WDR70: variants seen among roughly 807,000 people sequenced by gnomAD.
The protein encoded by WDR70 is WD repeat domain 70, also known as WD repeat-containing protein 70.
Under a neutral mutation model 88.6 loss-of-function variants are expected in WDR70, and 53 were observed. That is an observed-to-expected ratio of 0.60 (90% CI 0.48 to 0.75). The LOEUF (loss-of-function observed/expected upper bound fraction) is 0.75. Ranked by LOEUF, WDR70 falls within the 30% of genes least tolerant of loss-of-function variation. The pLI is 0.00. For synonymous variants in WDR70, 280 were observed against 270.0 expected, an observed-to-expected ratio of 1.04 and a Z score of -0.36; for missense variants, 610 against 823.2, an observed-to-expected ratio of 0.74 and a Z score of 3.17.
chr5:37,623,049 T>C (rs982848768), intron 10 of WDR70, among the ~76,000 whole-genome samples: 3 of 152,138 alleles, frequency 2.0e-5, no homozygotes, highest in African/African-American at 7.2e-5. Context: ...GATTCTTCCA[T>C]GTTAAAAAGG....
In WDR70 at chr5:37,696,560, G is replaced by A. The variant is rs115411709; in HGVS notation, c.1093-1095G>A. The stretch of plus-strand genomic sequence containing the variant: ...AGGGACTCACATGCTGTCATTACCA[G>A]CAGTGCCCCTGTCTTTCGCTATGGA... On this transcript the variant is annotated intron_variant, in intron 10 of 17. Transcript: ENST00000265107. 3.5e-3 allele frequency among the ~76,000 whole-genome samples: 528 copies of A among 152,318 alleles called. 1 individual carries two copies. The highest frequency in any genetic ancestry group is 4.7e-3 in the Non-Finnish European group (320 of 68,022).
chr5:37,482,740 T>C (rs1416057894), intron 8 of WDR70, among the ~76,000 whole-genome samples: 5 of 152,190 alleles, frequency 3.3e-5, no homozygotes, highest in African/African-American at 1.2e-4. Flanking sequence ...GAGGGCCAGC[T>C]CAAATTTGCA....
chr5:37,473,282 A>G (rs1255388681), intron 7 of WDR70, among the ~76,000 whole-genome samples: 1 of 151,042 alleles, frequency 6.6e-6, no homozygotes, highest in Non-Finnish European at 1.5e-5. Context: ...GTACACACAC[A>G]GCAATAATCC....
Position 37,413,929 on chromosome 5 carries a change from T to C in WDR70, c.492+17359T>C, listed in dbSNP as rs144893015. Among the ~76,000 whole-genome samples the C allele has an allele frequency of 2.9e-3, 435 of 152,052 alleles. 2 individuals carry two copies. The highest frequency in any genetic ancestry group is 0.01 in the African/African-American group (424 of 41,486). ...GGGATGCCAAGGCGGATGGATCACCTGAGATTGGTAGTTCGAGACCAGCCT... is the reference window on the plus strand; with the variant it reads ...GGGATGCCAAGGCGGATGGATCACCCGAGATTGGTAGTTCGAGACCAGCCT... On this transcript the variant is annotated intron_variant, in intron 5 of 17. Coordinates refer to ENST00000265107, the MANE Select transcript of WDR70 (RefSeq NM_018034.4).
At chr5:37,674,946 C>G (rs1312061789) in intron 10 of WDR70, among the ~76,000 whole-genome samples, 3 of 151,452 alleles carry the variant, frequency 2.0e-5, no homozygotes, top group African/African-American at 7.3e-5. Context: ...GAGATGGTAT[C>G]TCATTGTGGT....
intron 3 of WDR70, among the ~76,000 whole-genome samples, chr5:37,388,480 G>T: frequency 7.0e-6 from 1 of 142,262 alleles, no homozygotes; most frequent in Non-Finnish European, 1.5e-5. Flanking sequence ...GCTCATGTCT[G>T]TAATCCTAGT....
chr5:37,741,247 T>C lies in WDR70; in HGVS notation c.1878-11239T>C, dbSNP rs980226194. 2.9e-4 allele frequency among the ~76,000 whole-genome samples: 44 copies of C among 151,704 alleles called. 2 individuals are homozygous for C. The South Asian group carries it at 9.0e-3, about 31-fold the overall frequency. ...CCAAGAGCCTAGTTCTTTTTTTTTT[T>C]TTTTTTTTTAATTTAAAAAGGTCTA... On this transcript the variant is annotated intron_variant, in intron 17 of 17. Coordinates refer to ENST00000265107, the MANE Select transcript of WDR70 (RefSeq NM_018034.4).
rs1298838540 is a variant in WDR70, at chr5:37,563,408, G to A, written c.918-41656G>A. ...GAGGCGCCCCTCACCTCCAGGATTG[G>A]GCGGCTGGCCGGGCGGGGGGCTGAC... On this transcript the variant is annotated intron_variant, in intron 9 of 17. Transcript: ENST00000265107. 1.2e-3 allele frequency among the ~76,000 whole-genome samples: 72 copies of A among 61,948 alleles called. 9 individuals are homozygous for A. The highest frequency in any genetic ancestry group is 3.7e-3 in the African/African-American group (69 of 18,576). 40.6% of individuals were successfully genotyped at this position (61,948 alleles called of 152,430 possible).
At position 37,415,407 on chromosome 5, in the gene WDR70, G is replaced by C. The variant is rs1458438518; in HGVS notation, c.492+18837G>C. On this transcript the variant is annotated intron_variant, in intron 5 of 17. Coordinates refer to ENST00000265107, the MANE Select transcript of WDR70 (RefSeq NM_018034.4). The stretch of plus-strand genomic sequence containing the variant: ...CCGGACGGGGCGGCTGGCCGGGCGG[G>C]GGGCTGACCCCCCCACCTCCCTCCC... Among the ~76,000 whole-genome samples the C allele has an allele frequency of 4.9e-5, 5 of 102,622 alleles. 1 individual carries two copies. Among genetic ancestry groups the C allele is most frequent in the Admixed American group, 2.0e-4 (2 of 9,928 alleles). The allele number at this position is 102,622 out of a possible 152,430, so 67.3% of individuals were successfully genotyped here.
chr5:37,530,533 G>A (rs1436176976), intron 9 of WDR70, among the ~76,000 whole-genome samples: 1 of 151,800 alleles, frequency 6.6e-6, no homozygotes, highest in Non-Finnish European at 1.5e-5. Flanking sequence ...TAATCTGGGA[G>A]GGTTATATAT....
chr5:37,511,000 A>T (rs1237501186), intron 8 of WDR70, among the ~76,000 whole-genome samples: 1 of 152,204 alleles, frequency 6.6e-6, no homozygotes, highest in Non-Finnish European at 1.5e-5. Context: ...GTTAACCTAG[A>T]TCACTTGTTT....
chr5:37,668,651 A>G (rs751029443), intron 10 of WDR70, among the ~76,000 whole-genome samples: 4 of 152,218 alleles, frequency 2.6e-5, no homozygotes, highest in Non-Finnish European at 5.9e-5. Flanking sequence ...AAGATTCCAG[A>G]GCGGTGGCAT....
rs534559752 is a variant in WDR70, at chr5:37,475,401, AT to A, written c.687-4425del. Among the ~76,000 whole-genome samples the A allele has an allele frequency of 2.9e-4, 43 of 149,536 alleles. No individual in the cohort carries two copies. In the East Asian group the frequency reaches 7.4e-3, roughly 26 times the overall value. On this transcript the variant is annotated intron_variant, in intron 7 of 17. Transcript: ENST00000265107. ...AGGCATGCACCACCATGCCCAGCTA[AT>A]TTTTTTTGTATTTTTAGTAGAGACG...
intron 9 of WDR70, among the ~76,000 whole-genome samples, chr5:37,527,288 T>C (rs1741314009): frequency 6.6e-6 from 1 of 152,104 alleles, no homozygotes; most frequent in Admixed American, 6.5e-5. Flanking sequence ...AACAGAGATA[T>C]AGACCAATGG....
chr5:37,571,987 G>C (rs1305721523), intron 9 of WDR70, among the ~76,000 whole-genome samples: 1 of 152,134 alleles, frequency 6.6e-6, no homozygotes, highest in African/African-American at 2.4e-5. Flanking sequence ...GCAAGGACCT[G>C]CTGCAATAAG....
At chr5:37,484,013 C>T (rs1175254956) in intron 8 of WDR70, among the ~76,000 whole-genome samples, 13 of 148,940 alleles carry the variant, frequency 8.7e-5, no homozygotes, top group East Asian at 2.0e-4. Context: ...CGGGCAGAGA[C>T]GCTCCTCACT....
chr5:37,412,438 T>C (rs1419334865), intron 5 of WDR70, among the ~76,000 whole-genome samples: 3 of 152,054 alleles, frequency 2.0e-5, no homozygotes, highest in Non-Finnish European at 4.4e-5. Flanking sequence ...CTATTACTTG[T>C]TCATGATTCT....
chr5:37,701,068 A>G lies in WDR70; in HGVS notation c.1203A>G (p.Ser401=). The G allele has an allele frequency of 3.1e-6, 5 of 1,610,388 alleles. No individual in the cohort carries two copies. Among genetic ancestry groups the G allele is most frequent in the Non-Finnish European group, 4.2e-6 (5 of 1,176,902 alleles). The change falls in exon 12 of 18, where the codon TCA becomes TCG. Residue 401 remains serine, a synonymous_variant. Transcript: ENST00000265107. Reference sequence around the variant, plus strand: ...TCATTCCTCTGTCAGGTGACGATTCATTAAAATTATGGGACATCCGACAAT... The same window carrying G: ...TCATTCCTCTGTCAGGTGACGATTCGTTAAAATTATGGGACATCCGACAAT... The part of the protein sequence containing the change: ...NVLASRGGDD[S]LKLWDIRQFN...
intron 2 of WDR70, among the ~76,000 whole-genome samples, 175 bp from the exon 3 acceptor site, chr5:37,381,427 A>AT (rs1318401891): frequency 6.6e-6 from 1 of 152,142 alleles, no homozygotes; most frequent in Non-Finnish European, 1.5e-5. Flanking sequence ...TAGTGAAGGG[A>AT]TTGTCAGCAG....
Sources: gnomAD v4.1 joint callset for allele counts (sites outside exome capture counted in the v4.1 genomes callset) on GRCh38, gnomAD v4.1.1 for gene constraint, MANE v1.5 for transcripts, NCBI Gene and HGNC (gene_info 2026-07-23, HGNC 2026-07-21) for gene names.